The following TMEM181 variants were observed in gnomAD, a reference collection of about 807,000 sequenced individuals.
The protein encoded by TMEM181 is G protein-coupled receptor 178.
TMEM181 carries 39 observed loss-of-function variants against 71.9 expected under a neutral mutation model. The ratio of observed to expected loss-of-function variants is 0.54; its 90% confidence interval spans 0.42 to 0.71. TMEM181 has a LOEUF of 0.71. Ranked by LOEUF, TMEM181 falls within the 30% of genes least tolerant of loss-of-function variation. The pLI is 0.00. For missense variants in TMEM181, 595 were observed against 583.0 expected (o/e 1.02, Z -0.21); for synonymous variants, 245 against 228.8 (o/e 1.07, Z -0.64).
At chr6:158,626,866 CCTCACT>C (rs1291997101) in intron 13 of TMEM181, among the ~76,000 whole-genome samples, 2 of 146,026 alleles carry the variant, frequency 1.4e-5, no homozygotes, top group Non-Finnish European at 3.1e-5. Context: ...ATCCTCACAC[CCTCACT>C]CTCACACTCT....
At chr6:158,580,504 TTAA>T (rs546276651) in intron 2 of TMEM181, among the ~76,000 whole-genome samples, 156 of 152,354 alleles carry the variant, frequency 1.0e-3, no homozygotes, top group African/African-American at 3.6e-3. Context: ...TTTATAGCCC[TTAA>T]TAAGTATTTT....
At chr6:158,581,753 C>CAA (rs10626721) in intron 3 of TMEM181, among the ~76,000 whole-genome samples, 18,040 of 62,060 alleles carry the variant, frequency 0.29, 3,438 homozygotes, top group East Asian at 0.6. Flanking sequence ...GACTCTGTCT[C>CAA]AAAAAAAAAA....
At chr6:158,563,436 G>A (rs1261394236) in intron 1 of TMEM181, among the ~76,000 whole-genome samples, 3 of 152,084 alleles carry the variant, frequency 2.0e-5, no homozygotes, top group South Asian at 2.1e-4. Context: ...GAGCCACCAC[G>A]CTTGGCCAGG....
At chr6:158,559,496 T>C (rs1159353372), upstream of TMEM181, among the ~76,000 whole-genome samples, 1 of 152,208 alleles carries the variant, frequency 6.6e-6, no homozygotes, top group African/African-American at 2.4e-5. Flanking sequence ...AGCCAAACCT[T>C]GGTTCTCATC....
intron 2 of TMEM181, among the ~76,000 whole-genome samples, chr6:158,574,921 C>A (rs945110677): frequency 8.5e-5 from 13 of 152,220 alleles, no homozygotes; most frequent in Admixed American, 7.9e-4. Context: ...ACTAGGAGAG[C>A]TGATGGAGTA....
intron 1 of TMEM181, among the ~76,000 whole-genome samples, chr6:158,547,553 T>G (rs1781566140): frequency 6.6e-6 from 1 of 152,204 alleles, no homozygotes. Context: ...CAGGCGCTCT[T>G]GGAAGTCACC....
intron 1 of TMEM181, among the ~76,000 whole-genome samples, chr6:158,544,858 G>A (rs1457579316): frequency 6.6e-6 from 1 of 152,134 alleles, no homozygotes; most frequent in Non-Finnish European, 1.5e-5. Context: ...AATTCCTTGA[G>A]AACGTCATAC....
At chr6:158,587,512 T>A (rs1010525223) in intron 5 of TMEM181, among the ~76,000 whole-genome samples, 1 of 151,962 alleles carries the variant, frequency 6.6e-6, no homozygotes, top group East Asian at 1.9e-4. Context: ...TTTTTTTTTT[T>A]AAACACACAG....
intron 11 of TMEM181, 40 bp from the exon 12 acceptor site, chr6:158,625,064 G>T: frequency 6.7e-7 from 1 of 1,495,610 alleles, no homozygotes; most frequent in South Asian, 1.1e-5. Context: ...AGGTCACAGA[G>T]GCCCTGTTCC....
chr6:158,546,966 A>G (rs1188564424), intron 1 of TMEM181, among the ~76,000 whole-genome samples: 1 of 150,364 alleles, frequency 6.7e-6, no homozygotes, highest in Non-Finnish European at 1.5e-5. Context: ...TCTCAAAAAC[A>G]AAAACAAACA....
chr6:158,593,008 G>C lies in TMEM181; in HGVS notation c.492+3226G>C, dbSNP rs145179020. ...CACAAGTTTTCTCATACACATGAGTGGGGGGGTGTGAACTGATTTAACTTT... is the reference window on the plus strand; with the variant it reads ...CACAAGTTTTCTCATACACATGAGTCGGGGGGTGTGAACTGATTTAACTTT... On this transcript the variant is annotated intron_variant, in intron 6 of 16. Coordinates refer to ENST00000684151, the MANE Select transcript of TMEM181 (RefSeq NM_001376852.1). Among the ~76,000 whole-genome samples, 567 of 151,924 alleles carry C rather than the reference G, an allele frequency of 3.7e-3. 5 individuals carry two copies. The highest frequency in any genetic ancestry group is 0.012 in the African/African-American group (506 of 41,558).
rs1786877560 is a variant in TMEM181 at position 158,635,047 on chromosome 6, AG to A, written c.*3160del. On this transcript the variant is annotated 3_prime_UTR_variant, in exon 17 of 17. Coordinates refer to ENST00000684151, the MANE Select transcript of TMEM181 (RefSeq NM_001376852.1). ...TTTGAAGAAAAAAAAAAAAAGATAC[AG>A]ATCTTTTCCCCTGGCCAAAGGGAAG... 1 of 152,040 alleles carries A rather than the reference AG, an allele frequency of 6.6e-6. No individual in the cohort carries two copies. The highest frequency in any genetic ancestry group is 1.5e-5 in the Non-Finnish European group (1 of 67,996). The allele number at this position is 152,040 out of a possible 1,614,324, so 9.4% of individuals were successfully genotyped here.
intron 1 of TMEM181, among the ~76,000 whole-genome samples, chr6:158,571,119 T>C (rs576394692): frequency 5.3e-5 from 8 of 151,022 alleles, no homozygotes; most frequent in South Asian, 4.2e-4. Flanking sequence ...TTTTTTGAGA[T>C]GGAGTCTCGT....
At position 158,633,882 on chromosome 6, in the gene TMEM181, T is replaced by TA. The variant is rs1400387494; in HGVS notation, c.*1997dup. 6.6e-6 allele frequency: 1 copy of TA among 152,226 alleles called. No homozygotes were observed. Among genetic ancestry groups the TA allele is most frequent in the Non-Finnish European group, 1.5e-5 (1 of 68,034 alleles). 9.4% of individuals were successfully genotyped at this position (152,226 alleles called of 1,614,324 possible). A position where few individuals can be genotyped will look rare whatever the true frequency, so the allele number is the denominator to read the frequency against. On this transcript the variant is annotated 3_prime_UTR_variant, in exon 17 of 17. Coordinates refer to ENST00000684151, the MANE Select transcript of TMEM181 (RefSeq NM_001376852.1). ...CTAATAAGACTACTATAACTTTATG[T>TA]AAACTGATGAAGATGTGCTGATTAA...
At chr6:158,615,804 A>T (rs1038144612) in intron 10 of TMEM181, among the ~76,000 whole-genome samples, 15 of 151,946 alleles carry the variant, frequency 9.9e-5, no homozygotes, top group Non-Finnish European at 7.4e-5. Flanking sequence ...TAGATGTGTG[A>T]TATTATTTCT....
At chr6:158,612,454 C>T (rs979518813) in intron 10 of TMEM181, among the ~76,000 whole-genome samples, 7 of 152,158 alleles carry the variant, frequency 4.6e-5, no homozygotes, top group Non-Finnish European at 1.0e-4. Flanking sequence ...TGTGAAATAG[C>T]CATGCTCCTG....
rs116249152 is a variant in TMEM181 at position 158,628,079 on chromosome 6, G to C, written c.1110-329G>C. Among the ~76,000 whole-genome samples, 614 of 152,320 alleles carry C rather than the reference G, an allele frequency of 4.0e-3. 3 individuals are homozygous for C. Among genetic ancestry groups the C allele is most frequent in the African/African-American group, 0.014 (565 of 41,560 alleles). ...GGTCTCGAAAACCTGAGTTACAAAA[G>C]CAAGAGCAGGGAGGAAATGTGCCAA... On this transcript the variant is annotated intron_variant, in intron 13 of 16. Transcript: ENST00000684151.
At chr6:158,543,656 T>C (rs7752298) in intron 1 of TMEM181, among the ~76,000 whole-genome samples, 31,593 of 152,210 alleles carry the variant, frequency 0.21, 3,609 homozygotes, top group African/African-American at 0.24. Flanking sequence ...CTTCCTTCTA[T>C]GTGTGTTTGT....
At position 158,628,470 on chromosome 6, in the gene TMEM181, T is replaced by C; in HGVS notation, c.1172T>C (p.Leu391Pro). Residue 391 changes from leucine to proline, a missense_variant, in exon 14 of 17, where the codon CTG becomes CCG. By Grantham distance (98) the Leu-to-Pro change is moderately conservative. Coordinates refer to ENST00000684151, the MANE Select transcript of TMEM181 (RefSeq NM_001376852.1). ...QVLQDNFVAE[L>P]STHYQNSAEF... ...CTACAAGACAATTTTGTAGCAGAGC[T>C]GTCAACTCACTACCAGAATTATATC... 1 of 1,614,234 alleles carries C rather than the reference T, an allele frequency of 6.2e-7. No individual in the cohort carries two copies. Among genetic ancestry groups the C allele is most frequent in the Non-Finnish European group, 8.5e-7 (1 of 1,180,036 alleles).
Sources: allele counts gnomAD v4.1 joint callset (sites outside exome capture counted in the v4.1 genomes callset), GRCh38; gene constraint gnomAD v4.1.1; transcripts MANE v1.5; gene names NCBI Gene and HGNC (gene_info 2026-07-23, HGNC 2026-07-21).